The following SLC9A3 variants were observed in gnomAD, a reference collection of about 807,000 sequenced individuals.
The protein encoded by SLC9A3 is sodium/hydrogen exchanger 3.
In SLC9A3, 37 loss-of-function variants were observed where a neutral mutation model predicts 86.8. The observed-to-expected ratio is 0.43, with a 90% CI of 0.33 to 0.56. SLC9A3 has a LOEUF of 0.56. Ranked by LOEUF, SLC9A3 falls within the 20% of genes least tolerant of loss-of-function variation. SLC9A3 has a pLI of 0.06. For synonymous variants in SLC9A3, 581 were observed against 528.3 expected, an observed-to-expected ratio of 1.10 and a Z score of -1.37; for missense variants, 1,011 against 1,171.9, an observed-to-expected ratio of 0.86 and a Z score of 2.00.
intron 1 of SLC9A3, among the ~76,000 whole-genome samples, chr5:518,093 G>T (rs138136188): frequency 6.6e-6 from 1 of 152,360 alleles, no homozygotes; most frequent in Non-Finnish European, 1.5e-5. Flanking sequence ...CAGGCACTGG[G>T]GACACAGGAG....
intron 10 of SLC9A3, chr5:477,794 C>T (rs1259702964): frequency 1.4e-5 from 3 of 220,814 alleles, no homozygotes; most frequent in Admixed American, 6.0e-5. Context: ...GAAGTGGTCT[C>T]TGTCCCTGCA....
intron 1 of SLC9A3, among the ~76,000 whole-genome samples, chr5:505,814 G>T (rs1740551577): frequency 7.5e-6 from 1 of 132,876 alleles, no homozygotes; most frequent in African/African-American, 2.8e-5. Flanking sequence ...TGTGGGGGGA[G>T]AGTGACCATT....
chr5:509,711 C>T (rs2126649748), intron 1 of SLC9A3, among the ~76,000 whole-genome samples: 1 of 152,246 alleles, frequency 6.6e-6, no homozygotes, highest in African/African-American at 2.4e-5. Context: ...GTTAGCTGTA[C>T]CCCAAAGCAT....
chr5:496,322 C>T lies in SLC9A3; in HGVS notation c.212-4251G>A, dbSNP rs183930266. 1.4e-3 allele frequency among the ~76,000 whole-genome samples: 207 copies of T among 145,800 alleles called. 2 individuals carry two copies. Among genetic ancestry groups the T allele is most frequent in the Middle Eastern group, 0.01 (3 of 290 alleles). The stretch of plus-strand genomic sequence containing the variant: ...TGGGACATGCCGTCCCACCTGCCCA[C>T]GGGGGAGGAGCCGCACCCATCCCCA... On this transcript the variant is annotated intron_variant, in intron 1 of 16. Transcript: ENST00000264938. This position sits in a 1 kb window ranked among gnomAD's most constrained non-coding sequence, Gnocchi z 4.7.
chr5:516,651 C>G (rs1428922672), intron 1 of SLC9A3, among the ~76,000 whole-genome samples: 1 of 152,192 alleles, frequency 6.6e-6, no homozygotes, highest in Non-Finnish European at 1.5e-5. Context: ...TGTTTTAGGC[C>G]AGGTGAGCGT....
intron 3 of SLC9A3, among the ~76,000 whole-genome samples, 168 bp from the exon 4 acceptor site, chr5:485,399 C>T (rs73042907): frequency 0.038 from 5,803 of 152,340 alleles, 323 homozygotes; most frequent in African/African-American, 0.12. Context: ...AAGCCCAGAG[C>T]CCAGCAGCCA....
At chr5:500,556 T>G (rs61449796) in intron 1 of SLC9A3, among the ~76,000 whole-genome samples, 256 of 133,122 alleles carry the variant, frequency 1.9e-3, no homozygotes, top group African/African-American at 7.1e-3. Context: ...CTGGTGTGGA[T>G]GGGTCAGTGT....
chr5:509,400 G>A (rs1024904558), intron 1 of SLC9A3, among the ~76,000 whole-genome samples: 2 of 151,254 alleles, frequency 1.3e-5, no homozygotes, highest in African/African-American at 4.9e-5. Context: ...GCTGCAGTGA[G>A]CTGAGCTCAT....
At chr5:482,519 A>G in intron 7 of SLC9A3, 29 bp downstream of exon 7, 1 of 1,569,832 alleles carries the variant, frequency 6.4e-7, no homozygotes, top group Non-Finnish European at 8.7e-7. Flanking sequence ...CGGGGCCGAG[A>G]CCCCAGGGCT....
rs941004259 is a variant in SLC9A3, at chr5:496,969, C to T, written c.212-4898G>A. ...ACTCAGGAGGCCGAGGTGGGAGGAT[C>T]ACCTGAGCCTGGGAGGTTGAGGCTG... On this transcript the variant is annotated intron_variant, in intron 1 of 16. Transcript: ENST00000264938. The surrounding 1 kb of genome is among the most constrained non-coding windows in gnomAD (Gnocchi z 4.7). Among the ~76,000 whole-genome samples the T allele has an allele frequency of 6.6e-6, 1 of 152,116 alleles. No individual in the cohort carries two copies. The highest frequency in any genetic ancestry group is 2.4e-5 in the African/African-American group (1 of 41,408).
At chr5:488,218 G>T (rs1265138010) in intron 3 of SLC9A3, 98 bp downstream of exon 3, 12 of 1,372,904 alleles carry the variant, frequency 8.7e-6, no homozygotes, top group Non-Finnish European at 1.1e-5. Context: ...TGAGGACAGG[G>T]TTTCACGCCC....
rs185699783 is a variant in SLC9A3 at position 509,567 on chromosome 5, G to A, written c.211+14545C>T. On this transcript the variant is annotated intron_variant, in intron 1 of 16. Transcript: ENST00000264938. ...AGAGTAGGCTGGTCCCATGTGGGCC[G>A]AACGTGGAACCCTGGAACTCAGGCG... Among the ~76,000 whole-genome samples the A allele has an allele frequency of 5.6e-3, 851 of 152,198 alleles. 24 individuals are homozygous for A. Among genetic ancestry groups the A allele is most frequent in the Admixed American group, 0.049 (756 of 15,292 alleles).
chr5:521,795 G>A (rs1297368305), intron 1 of SLC9A3, among the ~76,000 whole-genome samples: 8 of 152,214 alleles, frequency 5.3e-5, no homozygotes, highest in Non-Finnish European at 1.2e-4. Context: ...TCGTGCACCT[G>A]AGGCTGGCTG....
intron 1 of SLC9A3, among the ~76,000 whole-genome samples, chr5:504,951 G>A (rs35051913): frequency 0.27 from 41,449 of 151,676 alleles, 6,346 homozygotes; most frequent in African/African-American, 0.41. Context: ...CAGTGGCCAC[G>A]TGGGCGCCAC....
chr5:501,597 G>C (rs1740282784), intron 1 of SLC9A3, among the ~76,000 whole-genome samples: 1 of 152,174 alleles, frequency 6.6e-6, no homozygotes, highest in Non-Finnish European at 1.5e-5. Flanking sequence ...GAGACACACA[G>C]AGGAGACACG....
Position 473,353 on chromosome 5 carries a change from CG to C in SLC9A3, c.*25del. The C allele has an allele frequency of 7.1e-7, 1 of 1,414,572 alleles. No individual in the cohort carries two copies. 87.6% of individuals were successfully genotyped at this position (1,414,572 alleles called of 1,614,324 possible). ...GGACCGTGGCGCGGGGACGAGCGGC[CG>C]GTTAGCGGCGTGTCGGAGCCGGTGT... On this transcript the variant is annotated 3_prime_UTR_variant, in exon 17 of 17. Coordinates refer to ENST00000264938, the MANE Select transcript of SLC9A3 (RefSeq NM_004174.4).
Position 479,935 on chromosome 5 carries a change from G to A in SLC9A3, c.1548C>T (p.Ser516=). ...KWSHFDRKFL[S]RVLMRRSAQK... ...GGGCCGACCGTCTCATGAGGACCCT[G>A]CTGAGGAACTTCCTGTCGAAGTGGG... The change falls in exon 10 of 17, where the codon AGC becomes AGT. Residue 516 remains serine, a synonymous_variant. Coordinates refer to ENST00000264938, the MANE Select transcript of SLC9A3 (RefSeq NM_004174.4). 1.2e-6 allele frequency: 2 copies of A among 1,613,938 alleles called. No individual in the cohort carries two copies. The highest frequency in any genetic ancestry group is 1.7e-6 in the Non-Finnish European group (2 of 1,179,946).
chr5:481,335 A>C (rs1739149832), intron 9 of SLC9A3, among the ~76,000 whole-genome samples: 1 of 152,224 alleles, frequency 6.6e-6, no homozygotes, highest in Admixed American at 6.5e-5. Flanking sequence ...AGCACAGAGA[A>C]TTCAGCTCCT....
chr5:503,659 C>G (rs1740409285), intron 1 of SLC9A3, among the ~76,000 whole-genome samples: 1 of 152,230 alleles, frequency 6.6e-6, no homozygotes, highest in Admixed American at 6.5e-5. Context: ...AGAAATTTTG[C>G]AAGCTCCAAG....
Sources: gnomAD v4.1 joint callset for allele counts (sites outside exome capture counted in the v4.1 genomes callset) on GRCh38, gnomAD v4.1.1 for gene constraint, Gnocchi (gnomAD v3.1) non-coding constraint, MANE v1.5 for transcripts, NCBI Gene and HGNC (gene_info 2026-07-23, HGNC 2026-07-21) for gene names.